Variants in RAD51D observed in about 807,000 individuals in gnomAD.
The protein encoded by RAD51D is RAD51 paralog D, also known as DNA repair protein RAD51 homolog 4.
RAD51D carries 38 observed loss-of-function variants against 44.1 expected under a neutral mutation model. That is an observed-to-expected ratio of 0.86 (90% CI 0.67 to 1.13). The LOEUF is 1.13. RAD51D is among the 50% of genes most tolerant of loss of function. The pLI is 0.00. For synonymous variants in RAD51D, 141 were observed against 166.6 expected (o/e 0.85, Z 1.18); for missense variants, 390 against 414.0 (o/e 0.94, Z 0.50).
At position 35,119,750 on chromosome 17, in the gene RAD51D, G is replaced by C. The variant is rs1398078474; in HGVS notation, c.-137C>G. On this transcript the variant is annotated 5_prime_UTR_variant, in exon 1 of 10. Coordinates refer to ENST00000345365, the MANE Select transcript of RAD51D (RefSeq NM_002878.4). The stretch of plus-strand genomic sequence containing the variant: ...GCTGGCTGCCGGAGGAGAAAGGAGA[G>C]AGGAGGAGGCGGCACCAAGGGTAGG... The C allele has an allele frequency of 2.3e-6, 2 of 862,412 alleles. No homozygotes were observed. Among genetic ancestry groups the C allele is most frequent in the Non-Finnish European group, 3.8e-6 (2 of 529,390 alleles). The allele number at this position is 862,412 out of a possible 1,614,324, so 53.4% of individuals were successfully genotyped here.
At chr17:35,101,157 C>T (rs2142410421) in intron 9 of RAD51D, 44 bp downstream of exon 9, 1 of 1,614,010 alleles carries the variant, frequency 6.2e-7, no homozygotes, top group Non-Finnish European at 8.5e-7. Context: ...GGAAACCACC[C>T]TCCAGGGCCC....
At chr17:35,116,778 G>T in intron 3 of RAD51D, 1 of 1,114,972 alleles carries the variant, frequency 9.0e-7, no homozygotes, top group Non-Finnish European at 1.3e-6. Context: ...ACAGGCGTGA[G>T]CCACTGCGCC....
rs763683070 is a variant in RAD51D, at chr17:35,100,981, C to T, written c.959G>A (p.Ser320Asn). The T allele has an allele frequency of 6.8e-6, 11 of 1,613,790 alleles. No homozygotes were observed. The South Asian group carries it at 9.9e-5, about 14-fold the overall frequency. Residue 320 changes from serine to asparagine, a missense_variant, in exon 10 of 10, where the codon AGT (serine) becomes AAT (asparagine). Ser to Asn is a conservative substitution (Grantham distance 46). Coordinates refer to ENST00000345365, the MANE Select transcript of RAD51D (RefSeq NM_002878.4). ...DIGTWGTSEQ[S>N]ATLQGDQT ...TGTCTGATCACCCTGTAATGTGGCA[C>T]TCTGCTCTGAGGTCCCCCAGGTCCC...
At chr17:35,112,258 A>C (rs2091686756) in intron 3 of RAD51D, among the ~76,000 whole-genome samples, 2 of 152,002 alleles carry the variant, frequency 1.3e-5, no homozygotes, top group African/African-American at 4.8e-5. Flanking sequence ...TTGTATTTTC[A>C]GTAGAGATGG....
At position 35,095,205 on chromosome 17, in the gene RAD51D, G is replaced by C. The variant is rs541549411; in HGVS notation, c.*5748C>G. 6.6e-6 allele frequency: 1 copy of C among 152,190 alleles called. No individual in the cohort carries two copies. The highest frequency in any genetic ancestry group is 2.4e-5 in the African/African-American group (1 of 41,440). The allele number at this position is 152,190 out of a possible 1,614,324, so 9.4% of individuals were successfully genotyped here. A position where few individuals can be genotyped will look rare whatever the true frequency, so the allele number is the denominator to read the frequency against. On this transcript the variant is annotated 3_prime_UTR_variant, in exon 10 of 10. Transcript: ENST00000345365. ...CCTTTGTTAAATTAAATTTGGGGTCGGGTGTGGTGTCTCACGCCTGTAATC... is the reference window on the plus strand; with the variant it reads ...CCTTTGTTAAATTAAATTTGGGGTCCGGTGTGGTGTCTCACGCCTGTAATC...
chr17:35,119,736 G>A lies in RAD51D; in HGVS notation c.-123C>T, dbSNP rs2091802814. On this transcript the variant is annotated 5_prime_UTR_variant, in exon 1 of 10. Transcript: ENST00000345365. ...GAGGACACAGGCGCGCTGGCTGCCGGAGGAGAAAGGAGAGAGGAGGAGGCG... is the reference window on the plus strand; with the variant it reads ...GAGGACACAGGCGCGCTGGCTGCCGAAGGAGAAAGGAGAGAGGAGGAGGCG... 2 of 942,844 alleles carry A rather than the reference G, an allele frequency of 2.1e-6. No homozygotes were observed. Among genetic ancestry groups the A allele is most frequent in the African/African-American group, 3.2e-5 (2 of 61,748 alleles). 58.4% of individuals were successfully genotyped at this position (942,844 alleles called of 1,614,324 possible).
In RAD51D at chr17:35,101,236, G is replaced by A. The variant is rs527964137; in HGVS notation, c.868C>T (p.Arg290Trp). The A allele has an allele frequency of 1.7e-5, 27 of 1,614,154 alleles. No individual in the cohort carries two copies. The highest frequency in any genetic ancestry group is 1.6e-4 in the Middle Eastern group (1 of 6,062). ...GATTTGGCCAGACACGCCATGCGCC[G>A]GCCGCCTGATGCTCCTGCTCCCTCG... ...TIEGAGASGG[R>W]RMACLAKSSR... The change falls in exon 9 of 10, where the codon CGG (arginine) becomes TGG (tryptophan). Residue 290 changes from arginine to tryptophan, a missense_variant. By Grantham distance (101) the Arg-to-Trp change is moderately radical. Coordinates refer to ENST00000345365, the MANE Select transcript of RAD51D (RefSeq NM_002878.4).
In RAD51D at chr17:35,097,216, T is replaced by C. The variant is rs2091492118; in HGVS notation, c.*3737A>G. 1 of 152,080 alleles carries C rather than the reference T, an allele frequency of 6.6e-6. No individual in the cohort carries two copies. 9.4% of individuals were successfully genotyped at this position (152,080 alleles called of 1,614,324 possible). ...CTCACTGCAACCTCCATCTCCCAGG[T>C]TCAAGCGATTCTCATGCCTCAGCCT... On this transcript the variant is annotated 3_prime_UTR_variant, in exon 10 of 10. Transcript: ENST00000345365.
chr17:35,114,298 A>T (rs1400912708), intron 3 of RAD51D, among the ~76,000 whole-genome samples: 4 of 151,930 alleles, frequency 2.6e-5, no homozygotes, highest in African/African-American at 4.8e-5. Context: ...TTAATTAAAT[A>T]AAATAAAATC....
At position 35,109,604 on chromosome 17, in the gene RAD51D, G is replaced by A. The variant is rs904317676; in HGVS notation, c.264-2157C>T. Reference sequence around the variant, plus strand: ...ATTATTTTTTTATTTTAGTCTTTCTGATAGGTATGAAATAATAGCTCACTG... The same window carrying A: ...ATTATTTTTTTATTTTAGTCTTTCTAATAGGTATGAAATAATAGCTCACTG... On this transcript the variant is annotated intron_variant, in intron 3 of 9. Coordinates refer to ENST00000345365, the MANE Select transcript of RAD51D (RefSeq NM_002878.4). 5.3e-5 allele frequency among the ~76,000 whole-genome samples: 8 copies of A among 151,756 alleles called. No homozygotes were observed. The East Asian group carries it at 1.3e-3, about 26-fold the overall frequency.
intron 3 of RAD51D, among the ~76,000 whole-genome samples, chr17:35,108,616 G>A (rs1409984653): frequency 6.6e-6 from 1 of 150,906 alleles, no homozygotes; most frequent in Admixed American, 6.6e-5. Context: ...ATTCAAGCAC[G>A]TGTGTTGATG....
At chr17:35,116,916 G>A (rs1192914615) in intron 3 of RAD51D, 1 of 1,608,632 alleles carries the variant, frequency 6.2e-7, no homozygotes, top group South Asian at 1.1e-5. Context: ...AAGTCCATCT[G>A]TTCCTCCATG....
At chr17:35,113,977 A>T (rs1026003247) in intron 3 of RAD51D, among the ~76,000 whole-genome samples, 1 of 152,112 alleles carries the variant, frequency 6.6e-6, no homozygotes, top group African/African-American at 2.4e-5. Context: ...CTGCACATTA[A>T]AATCAGGGGA....
chr17:35,116,986 C>T, intron 3 of RAD51D: 3 of 1,613,974 alleles, frequency 1.9e-6, no homozygotes, highest in Non-Finnish European at 2.5e-6. Context: ...CCTGCGGGGA[C>T]CTGAGGCAGC....
At chr17:35,115,192 G>A in intron 3 of RAD51D, 1 of 482,752 alleles carries the variant, frequency 2.1e-6, no homozygotes, top group Non-Finnish European at 4.2e-6. Flanking sequence ...GAATACAGGT[G>A]ATTTCTGGGA....
rs1274376718 is a variant in RAD51D at position 35,099,419 on chromosome 17, T to G, written c.*1534A>C. The stretch of plus-strand genomic sequence containing the variant: ...AAATAGTACCTTGAGTGGCAAGAAT[T>G]TGCAATTTCCAGCTTCATGTATTGC... On this transcript the variant is annotated 3_prime_UTR_variant, in exon 10 of 10. Transcript: ENST00000345365. 1 of 182,578 alleles carries G rather than the reference T, an allele frequency of 5.5e-6. No homozygotes were observed. The highest frequency in any genetic ancestry group is 1.2e-5 in the Non-Finnish European group (1 of 84,438). The allele number at this position is 182,578 out of a possible 1,614,324, so 11.3% of individuals were successfully genotyped here. A position where few individuals can be genotyped will look rare whatever the true frequency, so the allele number is the denominator to read the frequency against.
At position 35,103,472 on chromosome 17, in the gene RAD51D, C is replaced by A. The variant is rs775365939; in HGVS notation, c.649G>T (p.Gly217Ter). 3.7e-6 allele frequency: 6 copies of A among 1,614,110 alleles called. No homozygotes were observed. Among genetic ancestry groups the A allele is most frequent in the Non-Finnish European group, 5.1e-6 (6 of 1,180,014 alleles). The stretch of plus-strand genomic sequence containing the variant: ...CACTCACCTTCCCTCTGCTGACCTC[C>A]CAGAAGTGGGGAAACCACCGCAGTG... ...SVTAVVSPLL[G>*]GQQREGLALM... Residue 217 changes from glycine to a stop codon, truncating the protein, a stop_gained, in exon 7 of 10, where the codon GGA becomes TGA. Coordinates refer to ENST00000345365, the MANE Select transcript of RAD51D (RefSeq NM_002878.4). LOFTEE classifies it high-confidence loss of function. This position sits in a 1 kb window ranked among gnomAD's most constrained non-coding sequence, Gnocchi z 4.1.
Position 35,106,397 on chromosome 17 carries a change from C to A in RAD51D, c.565G>T (p.Val189Leu), listed in dbSNP as rs1180438262. ...LDVLQELRGT[V>L]AQQVTGSSGT... ...AACAGCAGGCTCACCTGCTGGGCCACAGTGCCTCGGAGCTCCTGCAGCACA... is the reference window on the plus strand; with the variant it reads ...AACAGCAGGCTCACCTGCTGGGCCAAAGTGCCTCGGAGCTCCTGCAGCACA... The change falls in exon 6 of 10, where the codon GTG becomes TTG. Residue 189 changes from valine to leucine, a missense_variant. Physicochemically the swap from Val to Leu is conservative, Grantham distance 32 (BLOSUM62 1). Transcript: ENST00000345365. The A allele has an allele frequency of 6.2e-7, 1 of 1,612,954 alleles. No homozygotes were observed. The highest frequency in any genetic ancestry group is 2.2e-5 in the East Asian group (1 of 44,888).
rs2142419572 is a variant in RAD51D at position 35,103,397 on chromosome 17, C to T, written c.667+57G>A. The T allele has an allele frequency of 1.2e-6, 2 of 1,609,144 alleles. No homozygotes were observed. Among genetic ancestry groups the T allele is most frequent in the Non-Finnish European group, 1.7e-6 (2 of 1,175,448 alleles). On this transcript the variant is annotated intron_variant, in intron 7 of 9. Transcript: ENST00000345365. The surrounding 1 kb of genome is among the most constrained non-coding windows in gnomAD (Gnocchi z 4.1). ...ATGGGGCTGGCCAGAGACCAGACTC[C>T]AGAGCTGGGAGGCGAGGTCACATTC...
Sources: allele counts gnomAD v4.1 joint callset (sites outside exome capture counted in the v4.1 genomes callset), GRCh38; gene constraint gnomAD v4.1.1; non-coding constraint Gnocchi (gnomAD v3.1); transcripts MANE v1.5; gene names NCBI Gene and HGNC (gene_info 2026-07-23, HGNC 2026-07-21).